Variants in ABCE1 observed in about 807,000 individuals in gnomAD.
ABCE1 encodes the protein ATP-binding cassette sub-family E member 1.
In ABCE1, 22 loss-of-function variants were observed where a neutral mutation model predicts 83.4. The ratio of observed to expected loss-of-function variants is 0.26; its 90% confidence interval spans 0.19 to 0.38. The LOEUF (loss-of-function observed/expected upper bound fraction) is 0.38, where lower values mean the gene tolerates loss of function less well. ABCE1 is among the 10% of genes least tolerant of loss of function. The pLI, the probability that ABCE1 is intolerant of heterozygous loss-of-function variation, is 1.00. For missense variants in ABCE1, 330 were observed against 721.9 expected (o/e 0.46, Z 6.22); for synonymous variants, 204 against 233.7 (o/e 0.87, Z 1.16).
chr4:145,122,979 G>A lies in ABCE1; in HGVS notation c.1264-42G>A, dbSNP rs1220194565. 5 of 1,352,444 alleles carry A rather than the reference G, an allele frequency of 3.7e-6. No homozygotes were observed. The South Asian group carries it at 4.1e-5, about 11-fold the overall frequency. The allele number at this position is 1,352,444 out of a possible 1,614,324, so 83.8% of individuals were successfully genotyped here. On this transcript the variant is annotated intron_variant, in intron 13 of 17. Coordinates refer to ENST00000296577, the MANE Select transcript of ABCE1 (RefSeq NM_002940.3). ...GATTCATAAATAGAAGAGTTCTATA[G>A]TGAAAGTTTATCATTTAAATACTTT...
At chr4:145,110,476 ATATT>A (rs779050847) in intron 7 of ABCE1, 32 bp downstream of exon 7, 25 of 1,588,012 alleles carry the variant, frequency 1.6e-5, no homozygotes, top group Non-Finnish European at 2.1e-5. Flanking sequence ...GTGTGAATAT[ATATT>A]TATTTATTTT....
At chr4:145,111,915 G>A (rs1749486722) in intron 8 of ABCE1, among the ~76,000 whole-genome samples, 1 of 152,168 alleles carries the variant, frequency 6.6e-6, no homozygotes, top group Non-Finnish European at 1.5e-5. Flanking sequence ...CTTAAATGCA[G>A]CTGACTTAAG....
chr4:145,111,306 A>G (rs186607202), intron 8 of ABCE1, among the ~76,000 whole-genome samples: 48 of 152,282 alleles, frequency 3.2e-4, no homozygotes, highest in African/African-American at 9.6e-4. Flanking sequence ...CTTTTTATAT[A>G]AAGTCAGTTA....
intron 8 of ABCE1, 49 bp from the exon 9 acceptor site, chr4:145,112,190 T>C (rs1453595379): frequency 4.5e-6 from 6 of 1,329,930 alleles, no homozygotes; most frequent in Admixed American, 2.5e-5. Flanking sequence ...TAAGGTAGAA[T>C]GTCTTGTCTT....
Position 145,110,956 on chromosome 4 carries a change from T to C in ABCE1, c.614-12T>C. ...AAATACATTGAGCACAATGCCTCTATGTTCTTTGTAGATTTAACCCACCTA... is the reference window on the plus strand; with the variant it reads ...AAATACATTGAGCACAATGCCTCTACGTTCTTTGTAGATTTAACCCACCTA... On this transcript the variant is annotated splice_polypyrimidine_tract_variant and intron_variant, in intron 7 of 17. Coordinates refer to ENST00000296577, the MANE Select transcript of ABCE1 (RefSeq NM_002940.3). The C allele has an allele frequency of 1.3e-6, 2 of 1,585,824 alleles. No homozygotes were observed. Among genetic ancestry groups the C allele is most frequent in the African/African-American group, 1.4e-5 (1 of 73,992 alleles).
intron 1 of ABCE1, among the ~76,000 whole-genome samples, chr4:145,100,032 G>T (rs1186998632): frequency 6.6e-6 from 1 of 152,154 alleles, no homozygotes. Context: ...GAATCCCCTT[G>T]CCCCAATTAT....
In ABCE1 at chr4:145,121,227, G is replaced by C. The variant is rs1749735142; in HGVS notation, c.1198G>C (p.Glu400Gln). 2 of 1,613,782 alleles carry C rather than the reference G, an allele frequency of 1.2e-6. No homozygotes were observed. The highest frequency in any genetic ancestry group is 1.3e-5 in the African/African-American group (1 of 75,044). ...RMLAGRLKPD[E>Q]GGEVPVLNVS... The stretch of plus-strand genomic sequence containing the variant: ...GCTTGCTGGAAGACTTAAACCTGAT[G>C]AAGGAGGTACATTTGTAACTGTTGA... Residue 400 changes from glutamate (E) to glutamine (Q), a missense_variant, in exon 12 of 18, where the codon GAA becomes CAA. Physicochemically the swap from Glu to Gln is conservative, Grantham distance 29. Transcript: ENST00000296577.
chr4:145,098,959 A>G (rs1179739886), intron 1 of ABCE1, among the ~76,000 whole-genome samples: 2 of 152,064 alleles, frequency 1.3e-5, no homozygotes, highest in Non-Finnish European at 2.9e-5. Flanking sequence ...CCCACATGTC[A>G]CTCTGCTTTT....
At position 145,129,317 on chromosome 4, in the gene ABCE1, G is replaced by A. The variant is rs569813995; in HGVS notation, c.*1744G>A. 6.6e-6 allele frequency: 1 copy of A among 152,028 alleles called. No homozygotes were observed. The highest frequency in any genetic ancestry group is 2.4e-5 in the African/African-American group (1 of 41,458). 9.4% of individuals were successfully genotyped at this position (152,028 alleles called of 1,614,324 possible). A position where few individuals can be genotyped will look rare whatever the true frequency, so the allele number is the denominator to read the frequency against. On this transcript the variant is annotated 3_prime_UTR_variant, in exon 18 of 18. Coordinates refer to ENST00000296577, the MANE Select transcript of ABCE1 (RefSeq NM_002940.3). ...TTAAAATTTTACATAGCAACAGAAA[G>A]GCCTACAATTGCTAACACAAGAAAA...
intron 9 of ABCE1, among the ~76,000 whole-genome samples, chr4:145,114,986 T>C (rs1749574517): frequency 2.0e-5 from 3 of 151,890 alleles, no homozygotes; most frequent in South Asian, 2.1e-4. Flanking sequence ...TAATGAAAAA[T>C]AGAGGATGCA....
intron 4 of ABCE1, among the ~76,000 whole-genome samples, 192 bp downstream of exon 4, chr4:145,108,304 T>C (rs1429611060): frequency 6.6e-6 from 1 of 152,192 alleles, no homozygotes; most frequent in African/African-American, 2.4e-5. Flanking sequence ...CAGTTACCTA[T>C]GGGACTTTTT....
chr4:145,110,084 A>ATTTT lies in ABCE1; in HGVS notation c.406-6_406-3dup. ...TATTATTAAATTCACATGATTCTGT[A>ATTTT]TTTTTTTTTTTTTTTTAGGATCCTC... On this transcript the variant is annotated intron_variant, in intron 5 of 17. Coordinates refer to ENST00000296577, the MANE Select transcript of ABCE1 (RefSeq NM_002940.3). 3.7e-6 allele frequency: 5 copies of ATTTT among 1,365,004 alleles called. No individual in the cohort carries two copies. Among genetic ancestry groups the ATTTT allele is most frequent in the African/African-American group, 1.6e-5 (1 of 63,698 alleles). The allele number at this position is 1,365,004 out of a possible 1,614,324, so 84.6% of individuals were successfully genotyped here. A position where few individuals can be genotyped will look rare whatever the true frequency, so the allele number is the denominator to read the frequency against.
At chr4:145,118,085 CCTTA>C (rs913810191) in intron 10 of ABCE1, among the ~76,000 whole-genome samples, 5 of 151,486 alleles carry the variant, frequency 3.3e-5, no homozygotes, top group African/African-American at 4.8e-5. Flanking sequence ...TTCACTGCTT[CCTTA>C]CTTGTGTCTT....
At chr4:145,126,056 A>C (rs546698424) in intron 17 of ABCE1, among the ~76,000 whole-genome samples, 2 of 151,460 alleles carry the variant, frequency 1.3e-5, no homozygotes, top group East Asian at 3.9e-4. Context: ...CCGCCCCCGC[A>C]ACCCCCGCAA....
At chr4:145,118,504 A>T (rs1356592737) in intron 10 of ABCE1, among the ~76,000 whole-genome samples, 1 of 151,758 alleles carries the variant, frequency 6.6e-6, no homozygotes, top group Non-Finnish European at 1.5e-5. Context: ...GTCTTAAGGG[A>T]TGACATCAGA....
chr4:145,113,591 G>A (rs757022001), intron 9 of ABCE1, among the ~76,000 whole-genome samples: 5 of 152,088 alleles, frequency 3.3e-5, no homozygotes, highest in South Asian at 4.1e-4. Context: ...AGGAGGAAAC[G>A]GTCCGCAAAT....
At chr4:145,127,038 C>T (rs1749906569) in intron 17 of ABCE1, among the ~76,000 whole-genome samples, 1 of 152,114 alleles carries the variant, frequency 6.6e-6, no homozygotes, top group Admixed American at 6.6e-5. Context: ...TATGCCTACT[C>T]ATCTTAAGAT....
chr4:145,120,883 T>G (rs1749721926), intron 11 of ABCE1: 3 of 308,442 alleles, frequency 9.7e-6, no homozygotes, highest in African/African-American at 4.3e-5. Flanking sequence ...CCTGATAATT[T>G]AGCTAAGTAG....
At chr4:145,107,966 A>T in intron 3 of ABCE1, 49 bp from the exon 4 acceptor site, 1 of 1,416,166 alleles carries the variant, frequency 7.1e-7, no homozygotes, top group Non-Finnish European at 9.8e-7. Flanking sequence ...AGTTATGTGT[A>T]TATGTCTACA....
Sources: gnomAD v4.1 joint callset for allele counts (sites outside exome capture counted in the v4.1 genomes callset) on GRCh38, gnomAD v4.1.1 for gene constraint, MANE v1.5 for transcripts, NCBI Gene and HGNC (gene_info 2026-07-23, HGNC 2026-07-21) for gene names.